The following PTPRN2 variants were observed in gnomAD, a reference collection of about 807,000 sequenced individuals.
PTPRN2 encodes the protein receptor-type tyrosine-protein phosphatase N2.
In PTPRN2, 74 loss-of-function variants were observed where a neutral mutation model predicts 118.8. The ratio of observed to expected loss-of-function variants is 0.62; its 90% confidence interval spans 0.52 to 0.76. The LOEUF is 0.76. Ranked by LOEUF, PTPRN2 falls within the 30% of genes least tolerant of loss-of-function variation. PTPRN2 has a pLI of 0.00. For missense variants in PTPRN2, 1,481 were observed against 1,394.4 expected (o/e 1.06, Z -0.99); for synonymous variants, 641 against 608.0 (o/e 1.05, Z -0.80).
At chr7:158,218,134 T>C (rs977680828) in intron 3 of PTPRN2, among the ~76,000 whole-genome samples, 1 of 152,120 alleles carries the variant, frequency 6.6e-6, no homozygotes. Context: ...CCAAGGCATA[T>C]GGTCATCAGA....
intron 3 of PTPRN2, among the ~76,000 whole-genome samples, chr7:158,245,611 G>A (rs117692076): frequency 0.041 from 6,184 of 152,214 alleles, 213 homozygotes; most frequent in Admixed American, 0.095. Context: ...GGTGGAGGGA[G>A]TTTTCCAGAC....
chr7:158,325,108 A>G (rs1171791073), intron 2 of PTPRN2, among the ~76,000 whole-genome samples: 3 of 150,994 alleles, frequency 2.0e-5, no homozygotes, highest in Admixed American at 2.0e-4. Flanking sequence ...TTCTCCCCAG[A>G]GATCCACAGG....
intron 11 of PTPRN2, chr7:158,029,142 CGG>C (rs1458263631): frequency 6.6e-6 from 1 of 152,014 alleles, no homozygotes; most frequent in Non-Finnish European, 1.5e-5. Flanking sequence ...GCCGTGGGCA[CGG>C]GGTCCGTATC....
intron 3 of PTPRN2, among the ~76,000 whole-genome samples, chr7:158,290,241 G>A (rs928749927): frequency 2.0e-5 from 3 of 152,140 alleles, no homozygotes; most frequent in East Asian, 1.9e-4. Flanking sequence ...CTGAGTTCTG[G>A]AGCCTGGAGC....
chr7:158,120,126 C>A (rs996010049), intron 9 of PTPRN2, among the ~76,000 whole-genome samples: 5 of 152,156 alleles, frequency 3.3e-5, no homozygotes, highest in African/African-American at 1.2e-4. Flanking sequence ...TGTGTCTACC[C>A]ATGTGAGGTT....
At chr7:158,414,487 T>C (rs978835482) in intron 2 of PTPRN2, among the ~76,000 whole-genome samples, 3 of 152,176 alleles carry the variant, frequency 2.0e-5, no homozygotes, top group Non-Finnish European at 4.4e-5. Flanking sequence ...AGTAATTGCA[T>C]CTGTGAGGAA....
intron 14 of PTPRN2, among the ~76,000 whole-genome samples, chr7:157,636,280 G>A (rs1804313044): frequency 1.3e-5 from 2 of 152,146 alleles, no homozygotes. Flanking sequence ...CCTTGGCTAT[G>A]TACAATTAAT....
intron 21 of PTPRN2, among the ~76,000 whole-genome samples, chr7:157,563,448 CAG>C: frequency 9.3e-6 from 1 of 107,638 alleles, no homozygotes; most frequent in Non-Finnish European, 1.9e-5. Flanking sequence ...TCACCACACA[CAG>C]CAGATCAGGA....
At position 158,445,609 on chromosome 7, in the gene PTPRN2, G is replaced by A. The variant is rs555380522; in HGVS notation, c.163+44126C>T. ...CTCTGCCCCAGCCCATAACGGGGCC[G>A]TCCTCCAACAATGAGTGGGCAAAGG... is the stretch of plus-strand genomic sequence containing the variant. On this transcript the variant is annotated intron_variant, in intron 2 of 22. Transcript: ENST00000389418. 5.1e-4 allele frequency among the ~76,000 whole-genome samples: 78 copies of A among 152,330 alleles called. 4 individuals are homozygous for A. The South Asian group carries it at 0.014, about 28-fold the overall frequency.
chr7:158,333,473 A>G (rs1380176854), intron 2 of PTPRN2, among the ~76,000 whole-genome samples: 1 of 147,790 alleles, frequency 6.8e-6, no homozygotes, highest in African/African-American at 2.7e-5. Flanking sequence ...CACTCTCTCC[A>G]TAAGAGGTGA....
In PTPRN2 at chr7:157,576,222, C is replaced by T. The variant is rs533764670; in HGVS notation, c.2783+391G>A. Among the ~76,000 whole-genome samples the T allele has an allele frequency of 7.9e-5, 12 of 152,326 alleles. No homozygotes were observed. The South Asian group carries it at 2.3e-3, about 29-fold the overall frequency. On this transcript the variant is annotated intron_variant, in intron 19 of 22. Transcript: ENST00000389418. ...CCTGCAAGATCACGCAGGGTGGTAT[C>T]TGGGCCTGCGCTCGCTACCTCTTTC... is the stretch of plus-strand genomic sequence containing the variant.
intron 2 of PTPRN2, among the ~76,000 whole-genome samples, chr7:158,388,328 C>G (rs532203079): frequency 5.9e-5 from 9 of 152,212 alleles, no homozygotes; most frequent in Non-Finnish European, 1.3e-4. Flanking sequence ...ACCACCCCCC[C>G]ATGAGGGCCA....
At chr7:158,325,966 C>A (rs1037068334) in intron 2 of PTPRN2, among the ~76,000 whole-genome samples, 1 of 152,210 alleles carries the variant, frequency 6.6e-6, no homozygotes, top group Admixed American at 6.5e-5. Flanking sequence ...ACCTGGGAAG[C>A]CCAGGAGGGG....
intron 3 of PTPRN2, among the ~76,000 whole-genome samples, chr7:158,287,544 C>T (rs1799845328): frequency 1.3e-5 from 2 of 152,012 alleles, no homozygotes; most frequent in Non-Finnish European, 2.9e-5. Flanking sequence ...CTCAAGAGAT[C>T]TTTTAATTCT....
chr7:158,387,205 C>T (rs148431755), intron 2 of PTPRN2, among the ~76,000 whole-genome samples: 19 of 152,352 alleles, frequency 1.2e-4, no homozygotes, highest in Admixed American at 6.5e-4. Flanking sequence ...AGGGCCCACA[C>T]GGACAGATCT....
chr7:157,853,953 G>A (rs951601979), intron 12 of PTPRN2, among the ~76,000 whole-genome samples: 1 of 152,208 alleles, frequency 6.6e-6, no homozygotes, highest in Non-Finnish European at 1.5e-5. Flanking sequence ...AACACCGCGT[G>A]AAGACGGAGA....
At chr7:157,816,026 C>T (rs567798320) in intron 12 of PTPRN2, among the ~76,000 whole-genome samples, 10 of 152,324 alleles carry the variant, frequency 6.6e-5, no homozygotes, top group African/African-American at 2.4e-4. Flanking sequence ...CACTCATGCA[C>T]GTACAGATCA....
At chr7:158,056,958 G>A (rs968323315) in intron 11 of PTPRN2, among the ~76,000 whole-genome samples, 1 of 152,132 alleles carries the variant, frequency 6.6e-6, no homozygotes, top group East Asian at 1.9e-4. Flanking sequence ...GCCCTTATCC[G>A]ATGATCAGCC....
Position 157,780,747 on chromosome 7 carries a change from ACACTGTTGCTTG to A in PTPRN2, c.1789-97822_1789-97811del, listed in dbSNP as rs1803629397. Among the ~76,000 whole-genome samples the A allele has an allele frequency of 6.6e-6, 1 of 152,132 alleles. No homozygotes were observed. The highest frequency in any genetic ancestry group is 2.4e-5 in the African/African-American group (1 of 41,426). On this transcript the variant is annotated intron_variant, in intron 12 of 22. Coordinates refer to ENST00000389418, the MANE Select transcript of PTPRN2 (RefSeq NM_002847.5). The surrounding 1 kb of genome is among the most constrained non-coding windows in gnomAD (Gnocchi z 4.5). The stretch of plus-strand genomic sequence containing the variant: ...ACACCCAGCACGGAGAGAGCACTTG[ACACTGTTGCTTG>A]CATGTGCCCCCGGGCCAAGGTGGAC...
Sources: gnomAD v4.1 joint callset for allele counts (sites outside exome capture counted in the v4.1 genomes callset) on GRCh38, gnomAD v4.1.1 for gene constraint, Gnocchi (gnomAD v3.1) non-coding constraint, MANE v1.5 for transcripts, NCBI Gene and HGNC (gene_info 2026-07-23, HGNC 2026-07-21) for gene names.